The following CYP2C18 variants were observed in gnomAD, a reference collection of about 807,000 sequenced individuals.
The protein encoded by CYP2C18 is cytochrome P450 2C18.
In CYP2C18, 38 loss-of-function variants were observed where a neutral mutation model predicts 41.3. That is an observed-to-expected ratio of 0.92 (90% CI 0.71 to 1.21). The LOEUF is 1.21. Among genes scored for constraint, CYP2C18 ranks in the 50% most tolerant of loss-of-function variants. CYP2C18 has a pLI of 0.00. For missense variants in CYP2C18, 635 were observed against 591.4 expected (o/e 1.07, Z -0.77); for synonymous variants, 236 against 210.0 (o/e 1.12, Z -1.07).
intron 8 of CYP2C18, 112 bp downstream of exon 8, chr10:94,733,550 A>T: frequency 6.5e-7 from 1 of 1,542,070 alleles, no homozygotes; most frequent in South Asian, 1.3e-5. Flanking sequence ...TTTGCAGATC[A>T]TTAGCACCAT....
At chr10:94,733,214 G>A in intron 7 of CYP2C18, 83 bp from the exon 8 acceptor site, 1 of 1,313,854 alleles carries the variant, frequency 7.6e-7, no homozygotes, top group Middle Eastern at 1.9e-4. Context: ...ATTGATAAAA[G>A]AGATTGGACT....
intron 5 of CYP2C18, among the ~76,000 whole-genome samples, chr10:94,712,986 T>C (rs890971776): frequency 6.6e-6 from 1 of 152,202 alleles, no homozygotes; most frequent in Non-Finnish European, 1.5e-5. Context: ...GTATGTCTTC[T>C]TTTTAGAAAT....
intron 7 of CYP2C18, among the ~76,000 whole-genome samples, chr10:94,726,181 T>A (rs973926399): frequency 6.9e-6 from 1 of 144,886 alleles, no homozygotes; most frequent in East Asian, 2.1e-4. Context: ...ATCAACACAG[T>A]CAAAAAAAAT....
chr10:94,694,139 T>G (rs1847068965), intron 3 of CYP2C18, among the ~76,000 whole-genome samples: 1 of 152,164 alleles, frequency 6.6e-6, no homozygotes, highest in African/African-American at 2.4e-5. Flanking sequence ...TCAAATAAAT[T>G]GAAGATAGTG....
intron 3 of CYP2C18, 147 bp downstream of exon 3, chr10:94,688,421 T>G: frequency 1.0e-6 from 1 of 981,224 alleles, no homozygotes. Context: ...AAGTTAGGTG[T>G]TTAGGATATG....
intron 4 of CYP2C18, among the ~76,000 whole-genome samples, chr10:94,705,629 T>C (rs1417694131): frequency 6.6e-6 from 1 of 152,126 alleles, no homozygotes; most frequent in Non-Finnish European, 1.5e-5. Context: ...TCTGTTAGAG[T>C]TGATTCTGAC....
intron 1 of CYP2C18, 123 bp from the exon 2 acceptor site, chr10:94,687,647 G>A: frequency 2.2e-6 from 2 of 911,874 alleles, no homozygotes; most frequent in Admixed American, 2.4e-5. Flanking sequence ...ACAAATATTT[G>A]AAGCTGTATT....
rs942127420 is a variant in CYP2C18 at position 94,697,410 on chromosome 10, A to C, written c.642+2333A>C. ...TCATAAGTGAAGGAGAAATAAAATC[A>C]TTTATAGACAAGCAAATGCTGAGAG... On this transcript the variant is annotated intron_variant, in intron 4 of 8. Coordinates refer to ENST00000285979, the MANE Select transcript of CYP2C18 (RefSeq NM_000772.3). 2.6e-5 allele frequency among the ~76,000 whole-genome samples: 4 copies of C among 152,230 alleles called. No individual in the cohort carries two copies. In the East Asian group the frequency reaches 7.7e-4, roughly 29 times the overall value.
intron 5 of CYP2C18, among the ~76,000 whole-genome samples, chr10:94,717,254 T>G (rs1042767498): frequency 6.6e-6 from 1 of 152,182 alleles, no homozygotes; most frequent in Non-Finnish European, 1.5e-5. Flanking sequence ...TGCTCATTAG[T>G]TTATGCAGTT....
In CYP2C18 at chr10:94,719,477, C is replaced by T. The variant is rs76570964; in HGVS notation, c.820-919C>T. 8.4e-3 allele frequency among the ~76,000 whole-genome samples: 1,275 copies of T among 151,950 alleles called. 22 individuals carry two copies. The highest frequency in any genetic ancestry group is 0.061 in the East Asian group (313 of 5,152). On this transcript the variant is annotated intron_variant, in intron 5 of 8. Transcript: ENST00000285979. ...GGAGTGCAGTGGCATGAACATGCTTCACTGCAGCCTTGACCTCCTGGGCTC... is the reference window on the plus strand; with the variant it reads ...GGAGTGCAGTGGCATGAACATGCTTTACTGCAGCCTTGACCTCCTGGGCTC...
chr10:94,696,041 A>G (rs761825216), intron 4 of CYP2C18, among the ~76,000 whole-genome samples: 2 of 151,990 alleles, frequency 1.3e-5, no homozygotes, highest in Non-Finnish European at 2.9e-5. Context: ...GCCTCTGTAG[A>G]CTCCACCTCT....
intron 3 of CYP2C18, among the ~76,000 whole-genome samples, chr10:94,690,848 T>C (rs1337358764): frequency 1.3e-5 from 2 of 152,194 alleles, no homozygotes; most frequent in African/African-American, 4.8e-5. Context: ...GCTTCATCCC[T>C]GGGATGCAAG....
At chr10:94,694,477 A>G (rs1847076107) in intron 3 of CYP2C18, among the ~76,000 whole-genome samples, 1 of 152,040 alleles carries the variant, frequency 6.6e-6, no homozygotes, top group Admixed American at 6.6e-5. Flanking sequence ...AGTTACTTTA[A>G]CTACTCGTTA....
intron 7 of CYP2C18, among the ~76,000 whole-genome samples, chr10:94,725,746 A>AAT (rs1847729362): frequency 6.6e-6 from 1 of 152,020 alleles, no homozygotes; most frequent in Admixed American, 6.6e-5. Flanking sequence ...CTATAGATAT[A>AAT]ATATATATAT....
chr10:94,720,624 G>A (rs1408088316), intron 6 of CYP2C18, 87 bp downstream of exon 6: 15 of 1,320,880 alleles, frequency 1.1e-5, no homozygotes, highest in Admixed American at 2.1e-5. Flanking sequence ...GTTTCTCTTA[G>A]AGAAGCTTCA....
Position 94,729,158 on chromosome 10 carries a change from G to A in CYP2C18, c.1150-4139G>A, listed in dbSNP as rs564275227. ...ATGAAGAGAGGGCAACCAAATAGCT[G>A]TATTCGCTTGTCAGCTGAGCTCATA... On this transcript the variant is annotated intron_variant, in intron 7 of 8. Coordinates refer to ENST00000285979, the MANE Select transcript of CYP2C18 (RefSeq NM_000772.3). Among the ~76,000 whole-genome samples the A allele has an allele frequency of 2.0e-5, 3 of 152,274 alleles. No individual in the cohort carries two copies. The East Asian group carries it at 5.8e-4, about 29-fold the overall frequency.
At position 94,697,629 on chromosome 10, in the gene CYP2C18, A is replaced by C. The variant is rs183150708; in HGVS notation, c.642+2552A>C. On this transcript the variant is annotated intron_variant, in intron 4 of 8. Coordinates refer to ENST00000285979, the MANE Select transcript of CYP2C18 (RefSeq NM_000772.3). ...TGACAGGATCAAATTCACACATAAC[A>C]ATATTAACCTTAAATGTAAATGGGT... Among the ~76,000 whole-genome samples the C allele has an allele frequency of 2.1e-4, 32 of 152,328 alleles. No individual in the cohort carries two copies. The East Asian group carries it at 5.0e-3, about 24-fold the overall frequency.
Position 94,731,468 on chromosome 10 carries a change from C to T in CYP2C18, c.1150-1829C>T, listed in dbSNP as rs576202331. 6.6e-5 allele frequency among the ~76,000 whole-genome samples: 10 copies of T among 151,534 alleles called. No individual in the cohort carries two copies. The South Asian group carries it at 2.1e-3, about 32-fold the overall frequency. On this transcript the variant is annotated intron_variant, in intron 7 of 8. Coordinates refer to ENST00000285979, the MANE Select transcript of CYP2C18 (RefSeq NM_000772.3). ...TATTCCTATCCGACTACCAGTGTCT[C>T]TTCTAAAATTTATATGGAAACAAAA...
At chr10:94,690,172 C>A (rs1341889600) in intron 3 of CYP2C18, among the ~76,000 whole-genome samples, 1 of 152,116 alleles carries the variant, frequency 6.6e-6, no homozygotes, top group Non-Finnish European at 1.5e-5. Flanking sequence ...TAAATGGATA[C>A]AAAATCCTCG....
Sources: gnomAD v4.1 joint callset for allele counts (sites outside exome capture counted in the v4.1 genomes callset) on GRCh38, gnomAD v4.1.1 for gene constraint, MANE v1.5 for transcripts, NCBI Gene and HGNC (gene_info 2026-07-23, HGNC 2026-07-21) for gene names.